Variants in OLA1 observed in about 807,000 individuals in gnomAD.
The protein encoded by OLA1 is obg-like ATPase 1.
OLA1 carries 14 observed loss-of-function variants against 48.4 expected under a neutral mutation model. The ratio of observed to expected loss-of-function variants is 0.29; its 90% confidence interval spans 0.19 to 0.45. OLA1 has a LOEUF of 0.45. OLA1 is among the 20% of genes least tolerant of loss of function. The pLI, the probability that OLA1 is intolerant of heterozygous loss-of-function variation, is 1.00. For synonymous variants in OLA1, 127 were observed against 150.4 expected, an observed-to-expected ratio of 0.84 and a Z score of 1.14; for missense variants, 325 against 467.1, an observed-to-expected ratio of 0.70 and a Z score of 2.80.
At chr2:174,189,590 C>A (rs1687730543) in intron 4 of OLA1, among the ~76,000 whole-genome samples, 1 of 152,130 alleles carries the variant, frequency 6.6e-6, no homozygotes. Context: ...CATATCAATT[C>A]TCTCCTAGCA....
At chr2:174,078,310 G>A (rs1684791938) in intron 10 of OLA1, among the ~76,000 whole-genome samples, 2 of 151,832 alleles carry the variant, frequency 1.3e-5, no homozygotes, top group Non-Finnish European at 2.9e-5. Context: ...GTCTATATTA[G>A]AGATTGCTAG....
At chr2:174,090,828 G>T (rs76103937) in intron 7 of OLA1, among the ~76,000 whole-genome samples, 20,665 of 152,172 alleles carry the variant, frequency 0.14, 1,785 homozygotes, top group Non-Finnish European at 0.2. Flanking sequence ...GACATTTAGG[G>T]TTATTTTCAA....
chr2:174,150,362 G>C (rs1244959379), intron 4 of OLA1, among the ~76,000 whole-genome samples: 5 of 152,206 alleles, frequency 3.3e-5, no homozygotes, highest in Non-Finnish European at 7.3e-5. Flanking sequence ...ACCCTCACCA[G>C]CTGCAGCCCG....
At chr2:174,118,038 GCA>G (rs1163366158) in intron 7 of OLA1, among the ~76,000 whole-genome samples, 2 of 152,156 alleles carry the variant, frequency 1.3e-5, no homozygotes, top group Non-Finnish European at 2.9e-5. Context: ...TCCAATCATG[GCA>G]AAGGTAAACA....
intron 5 of OLA1, among the ~76,000 whole-genome samples, chr2:174,133,447 G>C (rs948120323): frequency 6.6e-6 from 1 of 152,144 alleles, no homozygotes. Context: ...TGCAACCTCC[G>C]CCTCTCAGGT....
intron 4 of OLA1, among the ~76,000 whole-genome samples, chr2:174,198,860 T>A (rs892110085): frequency 6.6e-6 from 1 of 152,196 alleles, no homozygotes; most frequent in Non-Finnish European, 1.5e-5. Context: ...TTTGCCTTTT[T>A]CACTGTATTG....
At chr2:174,118,264 C>T (rs1173616481) in intron 7 of OLA1, among the ~76,000 whole-genome samples, 2 of 152,146 alleles carry the variant, frequency 1.3e-5, no homozygotes, top group Non-Finnish European at 2.9e-5. Context: ...AAATCCAAAC[C>T]ATATCAACTC....
At chr2:174,194,031 A>G (rs932197734) in intron 4 of OLA1, among the ~76,000 whole-genome samples, 6 of 152,192 alleles carry the variant, frequency 3.9e-5, no homozygotes, top group Non-Finnish European at 7.3e-5. Context: ...CCCAACTGCA[A>G]TGAATTTCAG....
intron 4 of OLA1, among the ~76,000 whole-genome samples, chr2:174,173,519 A>G (rs1400491926): frequency 6.6e-6 from 1 of 151,856 alleles, no homozygotes; most frequent in Non-Finnish European, 1.5e-5. Flanking sequence ...GATTTTTAAG[A>G]ACTTCATTTT....
At chr2:174,164,039 G>A (rs1243813590) in intron 4 of OLA1, among the ~76,000 whole-genome samples, 1 of 151,556 alleles carries the variant, frequency 6.6e-6, no homozygotes, top group East Asian at 2.0e-4. Flanking sequence ...CTGTTCTTGT[G>A]ATAGTGAGTT....
intron 5 of OLA1, among the ~76,000 whole-genome samples, chr2:174,127,489 C>T (rs1686070690): frequency 6.6e-6 from 1 of 152,054 alleles, no homozygotes; most frequent in African/African-American, 2.4e-5. Context: ...TTATACATTC[C>T]TAAAATACTA....
intron 4 of OLA1, among the ~76,000 whole-genome samples, chr2:174,185,887 A>T (rs1687647089): frequency 6.6e-6 from 1 of 152,190 alleles, no homozygotes; most frequent in South Asian, 2.1e-4. Context: ...AGATCATGCC[A>T]TTGCACTCCA....
intron 4 of OLA1, among the ~76,000 whole-genome samples, chr2:174,184,440 T>G (rs10196308): frequency 0.043 from 6,471 of 152,176 alleles, 493 homozygotes; most frequent in African/African-American, 0.15. Flanking sequence ...CTATAAAATA[T>G]CTGAACAGTG....
intron 7 of OLA1, among the ~76,000 whole-genome samples, chr2:174,087,984 A>G (rs73031896): frequency 0.025 from 3,798 of 152,290 alleles, 142 homozygotes; most frequent in African/African-American, 0.086. Flanking sequence ...GACATTTACA[A>G]ACACCTTATA....
chr2:174,234,844 T>C (rs1208149711), intron 2 of OLA1, among the ~76,000 whole-genome samples: 1 of 152,150 alleles, frequency 6.6e-6, no homozygotes, highest in Non-Finnish European at 1.5e-5. Flanking sequence ...ATTAGAATTC[T>C]GAAAAAGAAA....
chr2:174,237,991 G>A (rs1688898611), intron 2 of OLA1, among the ~76,000 whole-genome samples: 1 of 152,056 alleles, frequency 6.6e-6, no homozygotes, highest in South Asian at 2.1e-4. Context: ...AATCTCATGG[G>A]ACCTCCGTCA....
chr2:174,140,405 T>C (rs1686417565), intron 5 of OLA1, among the ~76,000 whole-genome samples: 1 of 151,766 alleles, frequency 6.6e-6, no homozygotes, highest in Admixed American at 6.6e-5. Flanking sequence ...TCTCACTCTG[T>C]CGCCCAGCCT....
chr2:174,161,455 C>T (rs952519290), intron 4 of OLA1, among the ~76,000 whole-genome samples: 2 of 151,952 alleles, frequency 1.3e-5, no homozygotes, highest in Non-Finnish European at 2.9e-5. Flanking sequence ...GCTTGACTAA[C>T]AGATTTGGAT....
At chr2:174,168,799 A>ATCTG (rs1212785223) in intron 4 of OLA1, among the ~76,000 whole-genome samples, 1 of 147,656 alleles carries the variant, frequency 6.8e-6, no homozygotes, top group Non-Finnish European at 1.5e-5. Context: ...CTATCTATCT[A>ATCTG]TCTAGATATA....
Sources: allele counts gnomAD v4.1 joint callset (sites outside exome capture counted in the v4.1 genomes callset), GRCh38; gene constraint gnomAD v4.1.1; transcripts MANE v1.5; gene names NCBI Gene and HGNC (gene_info 2026-07-23, HGNC 2026-07-21).